The following PDE12 variants were observed in gnomAD, a reference collection of about 807,000 sequenced individuals.
PDE12 encodes phosphodiesterase 12, also known as 2',5'-phosphodiesterase 12.
Under a neutral mutation model 45.4 loss-of-function variants are expected in PDE12, and 26 were observed. The observed-to-expected ratio is 0.57, with a 90% CI of 0.42 to 0.79. PDE12 has a LOEUF of 0.79. PDE12 is among the 30% of genes least tolerant of loss of function. The pLI is 0.00. For missense variants in PDE12, 668 were observed against 790.0 expected (o/e 0.85, Z 1.85); for synonymous variants, 283 against 323.9 (o/e 0.87, Z 1.36).
chr3:57,582,274 G>A, the PDE12 span, among the ~76,000 whole-genome samples: 9 of 150,594 alleles, frequency 6.0e-5, 1 homozygote, highest in Admixed American at 5.3e-4. Context: ...ACAGAGTCTC[G>A]CTTTGTCACC....
At chr3:57,584,026 A>C in the PDE12 span, 6 of 1,493,734 alleles carry the variant, frequency 4.0e-6, no homozygotes, top group Non-Finnish European at 5.6e-6. Flanking sequence ...AAAAACAAAA[A>C]TGACCGCTGT....
the PDE12 span, among the ~76,000 whole-genome samples, chr3:57,653,769 C>T: frequency 8.3e-5 from 12 of 145,034 alleles, no homozygotes; most frequent in African/African-American, 1.3e-4. Flanking sequence ...AAAAAGGTAG[C>T]GTGCTCCAAA....
chr3:57,559,400 T>A lies in PDE12; in HGVS notation c.1387+12T>A, dbSNP rs746946896. ...CTGGCATCCTAAAGGTAGGTTTTAT[T>A]TGGTATCACAAGTGACTTAAACACG... On this transcript the variant is annotated intron_variant, in intron 2 of 2. Coordinates refer to ENST00000311180, the MANE Select transcript of PDE12 (RefSeq NM_177966.7). The A allele has an allele frequency of 6.2e-7, 1 of 1,602,506 alleles. No homozygotes were observed. Among genetic ancestry groups the A allele is most frequent in the Admixed American group, 1.7e-5 (1 of 59,954 alleles).
the PDE12 span, among the ~76,000 whole-genome samples, chr3:57,572,509 T>G: frequency 3.3e-5 from 5 of 151,804 alleles, no homozygotes; most frequent in African/African-American, 1.2e-4. Flanking sequence ...TCACTTGAGC[T>G]TAGTAGTTCG....
the PDE12 span, chr3:57,641,812 G>A: frequency 5.8e-6 from 8 of 1,368,608 alleles, no homozygotes; most frequent in Middle Eastern, 2.0e-4. Context: ...AATCAGTGAA[G>A]AATAGTTTAC....
the PDE12 span, among the ~76,000 whole-genome samples, chr3:57,599,227 G>A: frequency 1.3e-5 from 2 of 152,200 alleles, no homozygotes; most frequent in Non-Finnish European, 2.9e-5. Context: ...GAGACAAATG[G>A]TTGCATTCCT....
the PDE12 span, among the ~76,000 whole-genome samples, chr3:57,622,511 T>C: frequency 4.3e-4 from 65 of 152,286 alleles, no homozygotes; most frequent in African/African-American, 1.4e-3. Flanking sequence ...TGGAACAGTT[T>C]GGCAATCTCT....
chr3:57,618,068 T>C, the PDE12 span, among the ~76,000 whole-genome samples: 2 of 151,844 alleles, frequency 1.3e-5, no homozygotes, highest in African/African-American at 4.8e-5. Context: ...AACCTATAAG[T>C]GGGAACTAAA....
At chr3:57,613,490 C>T in the PDE12 span, among the ~76,000 whole-genome samples, 1 of 151,590 alleles carries the variant, frequency 6.6e-6, no homozygotes, top group Admixed American at 6.6e-5. Flanking sequence ...GACAGGGTTT[C>T]ACCATCTTGG....
the PDE12 span, chr3:57,598,232 GT>G: frequency 1.3e-5 from 2 of 152,048 alleles, no homozygotes; most frequent in African/African-American, 4.8e-5. Flanking sequence ...AATGATAAAT[GT>G]ATTAGACTCA....
At chr3:57,583,071 C>T in the PDE12 span, among the ~76,000 whole-genome samples, 1 of 152,106 alleles carries the variant, frequency 6.6e-6, no homozygotes, top group African/African-American at 2.4e-5. Context: ...GAGAGCCCTC[C>T]CCATACCCAA....
the PDE12 span, among the ~76,000 whole-genome samples, chr3:57,610,929 A>T: frequency 7.9e-5 from 12 of 152,228 alleles, no homozygotes; most frequent in Admixed American, 7.9e-4. Context: ...CATTGCCAAG[A>T]CAATCCTAAG....
chr3:57,559,272 A>G (rs536384631), intron 1 of PDE12, 38 bp from the exon 2 acceptor site: 7 of 1,469,532 alleles, frequency 4.8e-6, no homozygotes, highest in Non-Finnish European at 6.6e-6. Context: ...AGATTTGCAA[A>G]TGCCAACTGA....
Position 57,557,703 on chromosome 3 carries a change from C to G in PDE12, c.1308+16C>G. 6.2e-7 allele frequency: 1 copy of G among 1,606,994 alleles called. No homozygotes were observed. The highest frequency in any genetic ancestry group is 8.5e-7 in the Non-Finnish European group (1 of 1,174,778). ...TGTTCTTCAGGTAAAGTAGTTCCGC[C>G]CGTCTCTTCACATACTGTCCCACTT... On this transcript the variant is annotated intron_variant, in intron 1 of 2. Coordinates refer to ENST00000311180, the MANE Select transcript of PDE12 (RefSeq NM_177966.7).
rs1358037383 is a variant in PDE12 at position 57,561,734 on chromosome 3, CTAGTAT to C, written c.*1731_*1736del. The stretch of plus-strand genomic sequence containing the variant: ...GTTTCAAATTCTTTAATCTCTGAAC[CTAGTAT>C]CATAAGAATTTCCTCTTTTGATAAC... On this transcript the variant is annotated 3_prime_UTR_variant, in exon 3 of 3. Transcript: ENST00000311180. 2.0e-6 allele frequency: 2 copies of C among 984,726 alleles called. No individual in the cohort carries two copies. The highest frequency in any genetic ancestry group is 1.2e-4 in the Admixed American group (2 of 16,230). 61.0% of individuals were successfully genotyped at this position (984,726 alleles called of 1,614,324 possible).
chr3:57,570,751 C>G (rs1422776290), downstream of PDE12, among the ~76,000 whole-genome samples: 1 of 152,030 alleles, frequency 6.6e-6, no homozygotes, highest in Non-Finnish European at 1.5e-5. Context: ...TGTTAAAGTT[C>G]TAAAATTTGC....
chr3:57,577,355 A>G, the PDE12 span: 1 of 1,613,628 alleles, frequency 6.2e-7, no homozygotes, highest in Non-Finnish European at 8.5e-7. Flanking sequence ...GAATTCTTTC[A>G]CGATCGTTGC....
the PDE12 span, chr3:57,597,218 G>A: frequency 2.1e-6 from 3 of 1,398,670 alleles, no homozygotes; most frequent in African/African-American, 1.4e-5. Context: ...CAAGCTCCCA[G>A]GCAAACTAAA....
chr3:57,616,368 G>A, the PDE12 span, among the ~76,000 whole-genome samples: 1 of 145,616 alleles, frequency 6.9e-6, no homozygotes, highest in African/African-American at 2.7e-5. Context: ...AGGAGGAGGA[G>A]GAGGCAGGGG....
Sources: gnomAD v4.1 joint callset for allele counts (sites outside exome capture counted in the v4.1 genomes callset) on GRCh38, gnomAD v4.1.1 for gene constraint, MANE v1.5 for transcripts, NCBI Gene and HGNC (gene_info 2026-07-23, HGNC 2026-07-21) for gene names.